Variants in PTDSS1 observed in about 807,000 individuals in gnomAD.
PTDSS1 encodes phosphatidylserine synthase 1, also known as PSS-1.
In PTDSS1, 45 loss-of-function variants were observed where a neutral mutation model predicts 70.5. The ratio of observed to expected loss-of-function variants is 0.64; its 90% CI spans 0.50 to 0.82. The LOEUF (loss-of-function observed/expected upper bound fraction) is 0.82, where lower values mean the gene tolerates loss of function less well. Ranked by LOEUF, PTDSS1 falls within the 40% of genes least tolerant of loss-of-function variation. The pLI is 0.00. For synonymous variants in PTDSS1, 188 were observed against 203.8 expected, an observed-to-expected ratio of 0.92 and a Z score of 0.66; for missense variants, 417 against 586.1, an observed-to-expected ratio of 0.71 and a Z score of 2.98.
intron 5 of PTDSS1, 94 bp from the exon 6 acceptor site, chr8:96,299,600 C>T: frequency 7.7e-7 from 1 of 1,297,706 alleles, no homozygotes; most frequent in African/African-American, 1.5e-5. Flanking sequence ...ACAACTTCTT[C>T]TAAAATAATG....
intron 2 of PTDSS1, among the ~76,000 whole-genome samples, chr8:96,278,066 C>G (rs1810674840): frequency 6.6e-6 from 1 of 152,218 alleles, no homozygotes; most frequent in Non-Finnish European, 1.5e-5. Flanking sequence ...GCCCTGCTGG[C>G]CTTGAGACAG....
chr8:96,287,437 T>C, intron 4 of PTDSS1: 1 of 371,240 alleles, frequency 2.7e-6, no homozygotes, highest in Non-Finnish European at 4.8e-6. Flanking sequence ...TGTGGGACTT[T>C]GGGCAAAGTA....
At position 96,299,730 on chromosome 8, in the gene PTDSS1, T is replaced by G; in HGVS notation, c.637T>G (p.Cys213Gly). 6.2e-7 allele frequency: 1 copy of G among 1,613,892 alleles called. No homozygotes were observed. Among genetic ancestry groups the G allele is most frequent in the South Asian group, 1.1e-5 (1 of 91,028 alleles). The change falls in exon 6 of 13, where the codon TGC becomes GGC. Residue 213 changes from cysteine (C) to glycine (G), a missense_variant. Transcript: ENST00000517309. Reference protein sequence around the residue: ...FMHLLPNFAECWWDQVILDIL... With the variant: ...FMHLLPNFAEGWWDQVILDIL... ...GCATCTCCTCCCCAATTTTGCCGAG[T>G]GCTGGTGGGATCAAGTCATTCTGGA...
chr8:96,303,625 A>T (rs1273755376), intron 6 of PTDSS1, among the ~76,000 whole-genome samples: 1 of 152,140 alleles, frequency 6.6e-6, no homozygotes, highest in Non-Finnish European at 1.5e-5. Flanking sequence ...TAGTTCTTTC[A>T]TGGGTGTGTG....
At chr8:96,275,361 A>G (rs971033629) in intron 2 of PTDSS1, among the ~76,000 whole-genome samples, 1 of 152,020 alleles carries the variant, frequency 6.6e-6, no homozygotes, top group African/African-American at 2.4e-5. Flanking sequence ...GGGTCTCACT[A>G]TGTTGCCCAG....
intron 1 of PTDSS1, among the ~76,000 whole-genome samples, chr8:96,265,182 G>A (rs1412200022): frequency 1.3e-5 from 2 of 152,172 alleles, no homozygotes; most frequent in Admixed American, 6.5e-5. Context: ...CAATTGTTCA[G>A]TGCAATTCTT....
At chr8:96,269,651 A>C (rs1443243881) in intron 1 of PTDSS1, among the ~76,000 whole-genome samples, 1 of 152,170 alleles carries the variant, frequency 6.6e-6, no homozygotes, top group Non-Finnish European at 1.5e-5. Flanking sequence ...AGACAATTAC[A>C]ATCCCACCAA....
At chr8:96,269,543 G>T (rs920246169) in intron 1 of PTDSS1, among the ~76,000 whole-genome samples, 2 of 152,102 alleles carry the variant, frequency 1.3e-5, no homozygotes, top group African/African-American at 4.8e-5. Context: ...GTACCCTTAG[G>T]CCAGGAAGAG....
intron 6 of PTDSS1, among the ~76,000 whole-genome samples, chr8:96,300,547 T>C (rs1811036354): frequency 1.3e-5 from 2 of 152,354 alleles, no homozygotes; most frequent in South Asian, 4.1e-4. Flanking sequence ...TTTATCCTGC[T>C]TTGTTAAACT....
intron 6 of PTDSS1, among the ~76,000 whole-genome samples, chr8:96,303,237 A>G (rs1811075103): frequency 6.6e-6 from 1 of 151,980 alleles, no homozygotes; most frequent in African/African-American, 2.4e-5. Flanking sequence ...TTTTGCTGCC[A>G]GTGTGCCGCA....
intron 9 of PTDSS1, among the ~76,000 whole-genome samples, chr8:96,315,291 C>T (rs945836985): frequency 2.6e-5 from 4 of 152,210 alleles, no homozygotes; most frequent in Non-Finnish European, 5.9e-5. Flanking sequence ...GGGTCTCCCA[C>T]ACTCTCAGCC....
chr8:96,327,309 A>C (rs1811451813), intron 10 of PTDSS1, among the ~76,000 whole-genome samples: 1 of 152,056 alleles, frequency 6.6e-6, no homozygotes, highest in African/African-American at 2.4e-5. Flanking sequence ...CAGGCCGGGG[A>C]CGATGAGCAG....
At chr8:96,303,753 G>A (rs772629025) in intron 6 of PTDSS1, among the ~76,000 whole-genome samples, 3 of 152,180 alleles carry the variant, frequency 2.0e-5, no homozygotes, top group African/African-American at 7.2e-5. Context: ...TGTTGTGGGT[G>A]ATGCAAGAAT....
At chr8:96,286,920 C>G in intron 3 of PTDSS1, 102 bp from the exon 4 acceptor site, 1 of 1,432,780 alleles carries the variant, frequency 7.0e-7, no homozygotes, top group Non-Finnish European at 9.7e-7. Flanking sequence ...GTGCTGCAAT[C>G]TTAGTGTCTG....
At chr8:96,301,957 C>T (rs1258278123) in intron 6 of PTDSS1, among the ~76,000 whole-genome samples, 2 of 152,102 alleles carry the variant, frequency 1.3e-5, no homozygotes, top group African/African-American at 2.4e-5. Context: ...TATTACTAAA[C>T]CTTTCTTTGG....
rs1333261331 is a variant in PTDSS1, at chr8:96,336,655, T to G, written c.*3089T>G. The G allele has an allele frequency of 6.6e-6, 1 of 151,914 alleles. No individual in the cohort carries two copies. The highest frequency in any genetic ancestry group is 1.5e-5 in the Non-Finnish European group (1 of 68,052). 9.4% of individuals were successfully genotyped at this position (151,914 alleles called of 1,614,324 possible). On this transcript the variant is annotated 3_prime_UTR_variant, in exon 13 of 13. Transcript: ENST00000517309. The stretch of plus-strand genomic sequence containing the variant: ...GACAACTAGAAATCCCACAGTAGAC[T>G]AGACAGTGCTCCCTACCATTTCCCA...
At chr8:96,271,085 G>A (rs34833111) in intron 1 of PTDSS1, among the ~76,000 whole-genome samples, 11,229 of 152,098 alleles carry the variant, frequency 0.074, 461 homozygotes, top group African/African-American at 0.083. Context: ...TATTCACGTC[G>A]CTTGAAGTCC....
intron 2 of PTDSS1, among the ~76,000 whole-genome samples, chr8:96,275,266 C>A (rs1318259266): frequency 6.6e-6 from 1 of 152,204 alleles, no homozygotes; most frequent in Non-Finnish European, 1.5e-5. Flanking sequence ...GGCAATCCTT[C>A]CGCCTCAGCC....
rs1404208233 is a variant in PTDSS1, at chr8:96,295,131, G to A, written c.475G>A (p.Glu159Lys). ...YAVNCHVITWERIISHFDIFA... is the reference protein window; with the variant it reads ...YAVNCHVITWKRIISHFDIFA... Reference sequence around the variant, plus strand: ...TGTGAACTGCCATGTGATCACCTGGGAGAGGATTATCAGCCACTTTGATAT... The same window carrying A: ...TGTGAACTGCCATGTGATCACCTGGAAGAGGATTATCAGCCACTTTGATAT... Residue 159 changes from glutamate (E) to lysine (K), a missense_variant, in exon 5 of 13, where the codon GAG (glutamate) becomes AAG (lysine). Coordinates refer to ENST00000517309, the MANE Select transcript of PTDSS1 (RefSeq NM_014754.3). The A allele has an allele frequency of 6.2e-7, 1 of 1,613,984 alleles. No individual in the cohort carries two copies.
Sources: allele counts gnomAD v4.1 joint callset (sites outside exome capture counted in the v4.1 genomes callset), GRCh38; gene constraint gnomAD v4.1.1; transcripts MANE v1.5; gene names NCBI Gene and HGNC (gene_info 2026-07-23, HGNC 2026-07-21).